ATP8A2: variants seen among roughly 807,000 people sequenced by gnomAD.
ATP8A2 encodes phospholipid-transporting ATPase IB.
Under a neutral mutation model 165.6 loss-of-function variants are expected in ATP8A2, and 100 were observed. The observed-to-expected ratio is 0.60, with a 90% CI of 0.51 to 0.71. ATP8A2 has a LOEUF of 0.71. Among genes scored for constraint, ATP8A2 ranks in the 30% least tolerant of loss-of-function variants. The probability of loss-of-function intolerance (pLI) is 0.00; values close to 1 mark genes in which losing one functional copy is unlikely to be tolerated. For synonymous variants in ATP8A2, 543 were observed against 548.8 expected, an observed-to-expected ratio of 0.99 and a Z score of 0.15; for missense variants, 1,227 against 1,479.5, an observed-to-expected ratio of 0.83 and a Z score of 2.80.
intron 2 of ATP8A2, among the ~76,000 whole-genome samples, chr13:25,490,383 C>T (rs907541678): frequency 2.0e-5 from 3 of 152,198 alleles, no homozygotes; most frequent in Admixed American, 6.5e-5. Flanking sequence ...GGCCAGGAGC[C>T]GGGGCTCCCA....
At chr13:25,821,683 G>C (rs1469543763) in intron 27 of ATP8A2, among the ~76,000 whole-genome samples, 1 of 152,014 alleles carries the variant, frequency 6.6e-6, no homozygotes, top group African/African-American at 2.4e-5. Context: ...TTTAGTCTAG[G>C]GTTTCTCAAC....
intron 24 of ATP8A2, among the ~76,000 whole-genome samples, chr13:25,669,593 C>T (rs2042222593): frequency 6.6e-6 from 1 of 152,152 alleles, no homozygotes; most frequent in Non-Finnish European, 1.5e-5. Flanking sequence ...GGATTTTTCA[C>T]CCTAGCTTCC....
chr13:25,620,838 A>G (rs1209820386), intron 24 of ATP8A2, among the ~76,000 whole-genome samples: 1 of 152,182 alleles, frequency 6.6e-6, no homozygotes, highest in African/African-American at 2.4e-5. Context: ...ATCAAGGGGG[A>G]AGTGGAGATC....
At chr13:25,436,310 T>TGTC (rs969156007) in intron 1 of ATP8A2, among the ~76,000 whole-genome samples, 16 of 152,104 alleles carry the variant, frequency 1.1e-4, no homozygotes, top group African/African-American at 3.9e-4. Flanking sequence ...CCCATCTTTA[T>TGTC]GTCCACGTGT....
chr13:25,808,880 C>G (rs750527296), intron 27 of ATP8A2, among the ~76,000 whole-genome samples: 9 of 152,196 alleles, frequency 5.9e-5, no homozygotes, highest in Non-Finnish European at 1.0e-4. Flanking sequence ...ACTTGAGAAG[C>G]AAACTGGCAA....
chr13:25,545,835 A>T (rs959441740), intron 10 of ATP8A2, among the ~76,000 whole-genome samples: 1 of 151,998 alleles, frequency 6.6e-6, no homozygotes, highest in Non-Finnish European at 1.5e-5. Flanking sequence ...GGATTTCACC[A>T]TGTTGCCCAG....
At chr13:25,854,935 A>T (rs1259083124) in intron 30 of ATP8A2, among the ~76,000 whole-genome samples, 1 of 152,120 alleles carries the variant, frequency 6.6e-6, no homozygotes, top group East Asian at 1.9e-4. Flanking sequence ...TATCACCCCC[A>T]AAAGAAACCC....
At chr13:25,959,715 C>CT (rs1218043681) in intron 33 of ATP8A2, among the ~76,000 whole-genome samples, 2 of 152,200 alleles carry the variant, frequency 1.3e-5, no homozygotes, top group African/African-American at 4.8e-5. Flanking sequence ...TTCTACATTA[C>CT]TTTAATTGCT....
intron 1 of ATP8A2, among the ~76,000 whole-genome samples, chr13:25,424,036 C>T (rs963767887): frequency 1.3e-5 from 2 of 152,058 alleles, no homozygotes; most frequent in Admixed American, 6.6e-5. Context: ...GGGCCATCAA[C>T]AATGTGAAAT....
At chr13:25,494,873 C>T (rs776592074) in intron 2 of ATP8A2, among the ~76,000 whole-genome samples, 6 of 152,196 alleles carry the variant, frequency 3.9e-5, no homozygotes, top group Non-Finnish European at 8.8e-5. Context: ...GGGGTCCAGC[C>T]CGGAGCTTTG....
At chr13:25,764,704 T>C (rs1338422033) in intron 25 of ATP8A2, among the ~76,000 whole-genome samples, 3 of 152,368 alleles carry the variant, frequency 2.0e-5, no homozygotes, top group South Asian at 4.1e-4. Context: ...AACTTCCTTT[T>C]AGTCATAAGG....
At chr13:25,485,367 C>T (rs926744177) in intron 2 of ATP8A2, among the ~76,000 whole-genome samples, 1 of 152,210 alleles carries the variant, frequency 6.6e-6, no homozygotes, top group African/African-American at 2.4e-5. Flanking sequence ...ACAATGTGGA[C>T]ATTGGAAAGT....
chr13:25,476,565 C>T (rs2036001798), intron 2 of ATP8A2, among the ~76,000 whole-genome samples: 1 of 152,130 alleles, frequency 6.6e-6, no homozygotes, highest in Non-Finnish European at 1.5e-5. Context: ...GCTGGGATTA[C>T]AGGTATGAGC....
At chr13:25,503,067 C>A (rs772407033) in intron 2 of ATP8A2, among the ~76,000 whole-genome samples, 14 of 152,060 alleles carry the variant, frequency 9.2e-5, no homozygotes, top group Non-Finnish European at 1.8e-4. Context: ...CAGGACTAGG[C>A]GGGTGGGATC....
At chr13:25,629,032 A>G (rs182316909) in intron 24 of ATP8A2, among the ~76,000 whole-genome samples, 1 of 152,298 alleles carries the variant, frequency 6.6e-6, no homozygotes, top group African/African-American at 2.4e-5. Context: ...CTATGAGACT[A>G]ATAGGTCTGT....
chr13:25,445,947 T>G (rs2035056693), intron 1 of ATP8A2, among the ~76,000 whole-genome samples: 1 of 152,160 alleles, frequency 6.6e-6, no homozygotes, highest in Non-Finnish European at 1.5e-5. Flanking sequence ...GACCGGTTGG[T>G]CAACTAATCA....
At chr13:25,801,617 G>T (rs1950623485) in intron 27 of ATP8A2, among the ~76,000 whole-genome samples, 1 of 152,098 alleles carries the variant, frequency 6.6e-6, no homozygotes, top group South Asian at 2.1e-4. Context: ...TTGCTATTGA[G>T]AGATTTGGCA....
intron 11 of ATP8A2, 66 bp downstream of exon 11, chr13:25,551,569 A>G (rs772318441): frequency 1.2e-4 from 183 of 1,501,262 alleles, no homozygotes; most frequent in Non-Finnish European, 1.6e-4. Flanking sequence ...TCTTGCAGCC[A>G]TGGTTGAAGT....
chr13:25,631,411 A>G (rs903516803), intron 24 of ATP8A2, among the ~76,000 whole-genome samples: 2 of 152,184 alleles, frequency 1.3e-5, no homozygotes, highest in African/African-American at 4.8e-5. Flanking sequence ...GTTCTTCCTG[A>G]TGATTTATAG....
Sources: allele counts gnomAD v4.1 joint callset (sites outside exome capture counted in the v4.1 genomes callset), GRCh38; gene constraint gnomAD v4.1.1; transcripts MANE v1.5; gene names NCBI Gene and HGNC (gene_info 2026-07-23, HGNC 2026-07-21).